The following COL21A1 variants were observed in gnomAD, a reference collection of about 807,000 sequenced individuals.
COL21A1 encodes collagen alpha-1(XXI) chain.
In COL21A1, 149 loss-of-function variants were observed where a neutral mutation model predicts 137.9. The observed-to-expected ratio is 1.08, with a 90% confidence interval of 0.95 to 1.24. The LOEUF is 1.24. COL21A1 is among the 50% of genes most tolerant of loss of function. The pLI, the probability that COL21A1 is intolerant of heterozygous loss-of-function variation, is 0.00. For synonymous variants in COL21A1, 456 were observed against 391.5 expected, an observed-to-expected ratio of 1.16 and a Z score of -1.95; for missense variants, 1,167 against 1,158.4, an observed-to-expected ratio of 1.01 and a Z score of -0.11.
chr6:56,322,883 T>A (rs9357910), intron 1 of COL21A1, among the ~76,000 whole-genome samples: 1 of 118,644 alleles, frequency 8.4e-6, no homozygotes, highest in Non-Finnish European at 1.9e-5. Flanking sequence ...TCCTCTGCTA[T>A]CAAAAAAAAA....
At chr6:56,278,335 T>A (rs2152333552) in intron 1 of COL21A1, among the ~76,000 whole-genome samples, 1 of 152,140 alleles carries the variant, frequency 6.6e-6, no homozygotes, top group East Asian at 1.9e-4. Context: ...AGCTGACACA[T>A]CCCTGTGTAC....
At chr6:56,356,638 C>T (rs960829299) in intron 1 of COL21A1, among the ~76,000 whole-genome samples, 61 of 152,330 alleles carry the variant, frequency 4.0e-4, no homozygotes, top group African/African-American at 1.3e-3. Context: ...CCTTGGCACA[C>T]GCCTGGGAAA....
chr6:56,267,607 A>G (rs1014247739), intron 1 of COL21A1, among the ~76,000 whole-genome samples: 2 of 149,978 alleles, frequency 1.3e-5, no homozygotes, highest in Middle Eastern at 3.4e-3. Context: ...AAAATACAAA[A>G]CAGCCAGGCA....
chr6:56,310,077 C>T (rs1041246835), intron 1 of COL21A1, among the ~76,000 whole-genome samples: 8 of 152,122 alleles, frequency 5.3e-5, no homozygotes, highest in African/African-American at 1.9e-4. Flanking sequence ...AGGGTAAAGT[C>T]AAGTATCAAA....
At chr6:56,123,685 C>G (rs577422819) in intron 16 of COL21A1, among the ~76,000 whole-genome samples, 2 of 152,186 alleles carry the variant, frequency 1.3e-5, no homozygotes, top group Admixed American at 6.5e-5. Flanking sequence ...CTCTAATGCT[C>G]TCATGCCCAT....
chr6:56,338,602 T>A (rs1470830223), intron 1 of COL21A1, among the ~76,000 whole-genome samples: 1 of 152,140 alleles, frequency 6.6e-6, no homozygotes, highest in Non-Finnish European at 1.5e-5. Flanking sequence ...ACCATCTCCC[T>A]CTCTATCTCT....
intron 10 of COL21A1, among the ~76,000 whole-genome samples, chr6:56,144,848 T>G (rs1582474251): frequency 6.6e-6 from 1 of 152,346 alleles, no homozygotes; most frequent in African/African-American, 2.4e-5. Flanking sequence ...ATGTTTGCCC[T>G]TCCTTTTACT....
intron 1 of COL21A1, among the ~76,000 whole-genome samples, chr6:56,339,246 G>T (rs942363007): frequency 1.3e-5 from 2 of 152,010 alleles, no homozygotes; most frequent in Non-Finnish European, 1.5e-5. Context: ...GTGGTCAGAG[G>T]GACTTGTTTT....
At chr6:56,058,828 T>G (rs1432612387) in intron 29 of COL21A1, among the ~76,000 whole-genome samples, 3 of 152,272 alleles carry the variant, frequency 2.0e-5, no homozygotes, top group South Asian at 2.1e-4. Flanking sequence ...CAGAGATTAC[T>G]TAACCGCTTC....
In COL21A1 at chr6:56,148,338, C is replaced by CAG. The variant is rs150898619; in HGVS notation, c.1435-6357_1435-6356dup. Among the ~76,000 whole-genome samples, 1,307 of 133,252 alleles carry CAG rather than the reference C, an allele frequency of 9.8e-3. 31 individuals carry two copies. Among genetic ancestry groups the CAG allele is most frequent in the African/African-American group, 0.026 (902 of 34,940 alleles). The allele number at this position is 133,252 out of a possible 152,430, so 87.4% of individuals were successfully genotyped here. ...TTTAGCTTATTAGTGAGACAAGAGA[C>CAG]AGAGAGAGAGAGAGAGAGAGAGAGA... On this transcript the variant is annotated intron_variant, in intron 10 of 29. Coordinates refer to ENST00000244728, the MANE Select transcript of COL21A1 (RefSeq NM_030820.4).
chr6:56,175,270 C>T (rs774156405), intron 3 of COL21A1, among the ~76,000 whole-genome samples: 1 of 152,044 alleles, frequency 6.6e-6, no homozygotes, highest in Non-Finnish European at 1.5e-5. Context: ...TTCTATTCAA[C>T]ATTGTACTAG....
chr6:56,179,690 A>C lies in COL21A1; in HGVS notation c.528T>G (p.Asp176Glu). 1 of 1,614,008 alleles carries C rather than the reference A, an allele frequency of 6.2e-7. No individual in the cohort carries two copies. The highest frequency in any genetic ancestry group is 8.5e-7 in the Non-Finnish European group (1 of 1,179,892). Reference sequence around the variant, plus strand: ...TGTTGGCAATAGCTCTAAGTTCGGCATCTTCTGTTTCTGAACCAACACCAA... The same window carrying C: ...TGTTGGCAATAGCTCTAAGTTCGGCCTCTTCTGTTTCTGAACCAACACCAA... ...FAIGVGSETEDAELRAIANKP... is the reference protein window; with the variant it reads ...FAIGVGSETEEAELRAIANKP... Residue 176 changes from aspartate (D) to glutamate (E), a missense_variant, in exon 3 of 30, where the codon GAT (aspartate) becomes GAG (glutamate). Asp to Glu is a conservative substitution (Grantham distance 45, BLOSUM62 2). Coordinates refer to ENST00000244728, the MANE Select transcript of COL21A1 (RefSeq NM_030820.4).
intron 1 of COL21A1, among the ~76,000 whole-genome samples, chr6:56,324,056 G>A (rs1764941308): frequency 6.6e-6 from 1 of 151,982 alleles, no homozygotes; most frequent in Admixed American, 6.6e-5. Flanking sequence ...CTCTTGGGTT[G>A]GAGGTAATCC....
intron 1 of COL21A1, among the ~76,000 whole-genome samples, chr6:56,347,339 A>C (rs762792597): frequency 1.3e-5 from 2 of 151,914 alleles, no homozygotes; most frequent in Admixed American, 1.3e-4. Context: ...CCTCACCGGG[A>C]TTCAACTCTC....
intron 9 of COL21A1, among the ~76,000 whole-genome samples, chr6:56,157,275 G>A (rs541905518): frequency 2.0e-5 from 3 of 149,730 alleles, no homozygotes; most frequent in African/African-American, 7.4e-5. Context: ...AGCAAATATG[G>A]TCTCCATGAT....
At chr6:56,182,249 G>T (rs1296548062) in intron 2 of COL21A1, among the ~76,000 whole-genome samples, 1 of 152,048 alleles carries the variant, frequency 6.6e-6, no homozygotes, top group African/African-American at 2.4e-5. Context: ...TTCCTATCAT[G>T]CAGTTCAAAA....
intron 16 of COL21A1, among the ~76,000 whole-genome samples, chr6:56,122,339 G>A (rs2152208540): frequency 6.6e-6 from 1 of 150,880 alleles, no homozygotes; most frequent in African/African-American, 2.4e-5. Context: ...TTGAGATGGA[G>A]TCTGGCTGTG....
At chr6:56,314,920 G>T (rs1233731006) in intron 1 of COL21A1, among the ~76,000 whole-genome samples, 1 of 152,032 alleles carries the variant, frequency 6.6e-6, no homozygotes, top group Non-Finnish European at 1.5e-5. Flanking sequence ...TGGTTCCTTG[G>T]GATTTGAGCA....
intron 1 of COL21A1, among the ~76,000 whole-genome samples, chr6:56,291,535 G>T (rs1764044026): frequency 6.6e-6 from 1 of 152,246 alleles, no homozygotes; most frequent in Admixed American, 6.5e-5. Context: ...AGTAGTGGGT[G>T]CTAGAGGGAG....
Sources: gnomAD v4.1 joint callset for allele counts (sites outside exome capture counted in the v4.1 genomes callset) on GRCh38, gnomAD v4.1.1 for gene constraint, MANE v1.5 for transcripts, NCBI Gene and HGNC (gene_info 2026-07-23, HGNC 2026-07-21) for gene names.